Variants in PARD3 observed in about 807,000 individuals in gnomAD.
PARD3 encodes the protein partitioning defective 3 homolog.
PARD3 carries 75 observed loss-of-function variants against 155.4 expected under a neutral mutation model. That is an observed-to-expected ratio of 0.48 (90% CI 0.40 to 0.58). The LOEUF (loss-of-function observed/expected upper bound fraction) is 0.58, where lower values mean the gene tolerates loss of function less well. Ranked by LOEUF, PARD3 falls within the 20% of genes least tolerant of loss-of-function variation. The pLI, the probability that PARD3 is intolerant of heterozygous loss-of-function variation, is 0.00. For synonymous variants in PARD3, 576 were observed against 610.5 expected (o/e 0.94, Z 0.83); for missense variants, 1,642 against 1,721.7 (o/e 0.95, Z 0.82).
At position 34,748,820 on chromosome 10, in the gene PARD3, A is replaced by C. The variant is rs145460680; in HGVS notation, c.121-52401T>G. On this transcript the variant is annotated intron_variant, in intron 1 of 24. Coordinates refer to ENST00000374788, the MANE Select transcript of PARD3 (RefSeq NM_001184785.2). ...GTAGAGGTGGGTGATGGTGCCTTCT[A>C]ATAAAATCCTATGACGCTGTAACTC... 5.5e-3 allele frequency among the ~76,000 whole-genome samples: 838 copies of C among 152,260 alleles called. 9 individuals are homozygous for C. The highest frequency in any genetic ancestry group is 0.019 in the African/African-American group (797 of 41,546).
chr10:34,699,281 G>A (rs746635934), intron 1 of PARD3, among the ~76,000 whole-genome samples: 16 of 152,056 alleles, frequency 1.1e-4, no homozygotes, highest in Non-Finnish European at 1.5e-4. Flanking sequence ...GAAAAGAACT[G>A]AGCAGGAGAT....
intron 1 of PARD3, among the ~76,000 whole-genome samples, chr10:34,778,948 T>A (rs78782729): frequency 0.014 from 2,168 of 152,286 alleles, 63 homozygotes; most frequent in African/African-American, 0.049. Context: ...AAATCTAGCA[T>A]CCTTCAGCAT....
At chr10:34,310,257 G>T (rs1053759006) in intron 20 of PARD3, among the ~76,000 whole-genome samples, 2 of 152,186 alleles carry the variant, frequency 1.3e-5, no homozygotes, top group African/African-American at 4.8e-5. Flanking sequence ...AATATCATTA[G>T]CTGAGCTTGT....
chr10:34,750,641 T>G (rs944585559), intron 1 of PARD3, among the ~76,000 whole-genome samples: 4 of 152,102 alleles, frequency 2.6e-5, no homozygotes, highest in Non-Finnish European at 5.9e-5. Context: ...TTTATAAATG[T>G]TAATGCATTT....
intron 1 of PARD3, among the ~76,000 whole-genome samples, chr10:34,783,604 CAAAAAAAAAAAA>C (rs35411933): frequency 1.4e-4 from 11 of 76,270 alleles, no homozygotes; most frequent in East Asian, 8.7e-4. Flanking sequence ...ACTCCGTCTT[CAAAAAAAAAAAA>C]AAAAAAAAAA....
chr10:34,659,333 A>G (rs999793261), intron 2 of PARD3, among the ~76,000 whole-genome samples: 2 of 152,282 alleles, frequency 1.3e-5, no homozygotes, highest in East Asian at 3.9e-4. Context: ...TAATGATCTA[A>G]TTTGCCACAC....
intron 20 of PARD3, among the ~76,000 whole-genome samples, chr10:34,311,983 G>A (rs540734695): frequency 6.6e-6 from 1 of 152,188 alleles, no homozygotes; most frequent in East Asian, 1.9e-4. Context: ...AATGGGTGGT[G>A]GCCCTTTACA....
intron 2 of PARD3, among the ~76,000 whole-genome samples, chr10:34,643,230 C>G (rs2092734473): frequency 6.6e-6 from 1 of 152,350 alleles, no homozygotes; most frequent in Middle Eastern, 3.4e-3. Context: ...CTGGAGCCCC[C>G]TCGTCTTGTG....
intron 12 of PARD3, among the ~76,000 whole-genome samples, chr10:34,371,680 T>A (rs553700658): frequency 6.6e-6 from 1 of 152,040 alleles, no homozygotes; most frequent in Non-Finnish European, 1.5e-5. Flanking sequence ...AAGGGACATA[T>A]TGACATTACC....
At chr10:34,584,588 T>C (rs903056632) in intron 2 of PARD3, among the ~76,000 whole-genome samples, 3 of 152,186 alleles carry the variant, frequency 2.0e-5, no homozygotes, top group Non-Finnish European at 4.4e-5. Context: ...CGGAGTTTCC[T>C]AATAATTCAC....
intron 2 of PARD3, among the ~76,000 whole-genome samples, chr10:34,586,646 TAA>T (rs2088084612): frequency 6.6e-6 from 1 of 152,330 alleles, no homozygotes; most frequent in Middle Eastern, 3.4e-3. Context: ...TAGATGATTC[TAA>T]GCATTAAGGC....
At position 34,227,854 on chromosome 10, in the gene PARD3, T is replaced by TATATATATATA. The variant is rs1952683542; in HGVS notation, c.3419+41802_3419+41803insTATATATATAT. Among the ~76,000 whole-genome samples, 78 of 26,492 alleles carry TATATATATATA rather than the reference T, an allele frequency of 2.9e-3. 5 individuals are homozygous for TATATATATATA. Among genetic ancestry groups the TATATATATATA allele is most frequent in the African/African-American group, 5.7e-3 (76 of 13,300 alleles). 17.4% of individuals were successfully genotyped at this position (26,492 alleles called of 152,430 possible). A position where few individuals can be genotyped will look rare whatever the true frequency, so the allele number is the denominator to read the frequency against. On this transcript the variant is annotated intron_variant, in intron 22 of 24. Coordinates refer to ENST00000374788, the MANE Select transcript of PARD3 (RefSeq NM_001184785.2). Reference sequence around the variant, plus strand: ...TATATTCCCAGTAATGGGAATTATTTTTTATATATATATATATATATATAT... The same window carrying TATATATATATA: ...TATATTCCCAGTAATGGGAATTATTTATATATATATATTTATATATATATATATATATATAT...
rs970327477 is a variant in PARD3 at position 34,439,072 on chromosome 10, G to C, written c.714+11245C>G. ...GATTATGTGCATGACTCCGTAGACAGGAGATTAATACAAAAGCAACGTCCT... is the reference window on the plus strand; with the variant it reads ...GATTATGTGCATGACTCCGTAGACACGAGATTAATACAAAAGCAACGTCCT... On this transcript the variant is annotated intron_variant, in intron 5 of 24. Transcript: ENST00000374788. Among the ~76,000 whole-genome samples, 7 of 152,294 alleles carry C rather than the reference G, an allele frequency of 4.6e-5. No individual in the cohort carries two copies. In the South Asian group the frequency reaches 6.2e-4, roughly 14 times the overall value.
intron 12 of PARD3, among the ~76,000 whole-genome samples, chr10:34,368,407 T>C (rs1840202381): frequency 2.6e-5 from 4 of 152,114 alleles, no homozygotes; most frequent in Admixed American, 2.6e-4. Context: ...GCGCGGTGGC[T>C]CACGCGTGTA....
intron 2 of PARD3, among the ~76,000 whole-genome samples, chr10:34,667,659 TA>T (rs1178319357): frequency 3.3e-5 from 5 of 152,214 alleles, no homozygotes; most frequent in African/African-American, 1.2e-4. Flanking sequence ...GGCATTCACA[TA>T]GGGGTGATAT....
At chr10:34,511,549 T>C (rs1035520388) in intron 3 of PARD3, among the ~76,000 whole-genome samples, 1 of 152,150 alleles carries the variant, frequency 6.6e-6, no homozygotes, top group Non-Finnish European at 1.5e-5. Context: ...CATCCTCACA[T>C]GACAAAGCGA....
chr10:34,708,095 C>A (rs1243245030), intron 1 of PARD3, among the ~76,000 whole-genome samples: 1 of 152,160 alleles, frequency 6.6e-6, no homozygotes, highest in Non-Finnish European at 1.5e-5. Flanking sequence ...TAGCAGCATC[C>A]TCCTGATTGA....
rs61735566 is a variant in PARD3, at chr10:34,382,550, C to T, written c.1389G>A (p.Gln463=). The change falls in exon 9 of 25, where the codon CAG becomes CAA. Residue 463 remains glutamine (Q), a synonymous_variant. Coordinates refer to ENST00000374788, the MANE Select transcript of PARD3 (RefSeq NM_001184785.2). The stretch of plus-strand genomic sequence containing the variant: ...CAGGATAGGTCGTACCTTTCTTAAG[C>T]TGGATATTAAGCCTCTTGCCTATTT... ...TKKIGKRLNI[Q]LKKGTEGLGF... 6.2e-7 allele frequency: 1 copy of T among 1,612,228 alleles called. No individual in the cohort carries two copies.
At chr10:34,511,071 C>A (rs760858960) in intron 3 of PARD3, among the ~76,000 whole-genome samples, 13 of 152,130 alleles carry the variant, frequency 8.5e-5, no homozygotes, top group Non-Finnish European at 1.5e-4. Context: ...ATTCCCTCTC[C>A]ATCTCTTTCT....
Sources: gnomAD v4.1 joint callset for allele counts (sites outside exome capture counted in the v4.1 genomes callset) on GRCh38, gnomAD v4.1.1 for gene constraint, MANE v1.5 for transcripts, NCBI Gene and HGNC (gene_info 2026-07-23, HGNC 2026-07-21) for gene names.